The following ZNF487 variants were observed in gnomAD, a reference collection of about 807,000 sequenced individuals.
ZNF487 encodes KRAB domain only 1.
ZNF487 carries 4 observed loss-of-function variants against 3.0 expected under a neutral mutation model. The observed-to-expected ratio is 1.35, with a 90% CI of 0.66 to 3.08. The LOEUF (loss-of-function observed/expected upper bound fraction) is 3.08. Ranked by LOEUF, ZNF487 falls within the 30% of genes most tolerant of loss-of-function variation. The probability of loss-of-function intolerance (pLI) is 0.01; values close to 1 mark genes in which losing one functional copy is unlikely to be tolerated. For missense variants in ZNF487, 146 were observed against 98.7 expected (o/e 1.48, Z -2.03); for synonymous variants, 55 against 34.6 (o/e 1.59, Z -2.06).
At chr10:43,451,101 C>G (rs1360396710) in intron 1 of ZNF487, among the ~76,000 whole-genome samples, 1 of 151,950 alleles carries the variant, frequency 6.6e-6, no homozygotes, top group African/African-American at 2.4e-5. Flanking sequence ...CATGTGCCAC[C>G]ACGCCCAGCT....
At chr10:43,455,487 C>G (rs906133836) in intron 1 of ZNF487, among the ~76,000 whole-genome samples, 8 of 152,250 alleles carry the variant, frequency 5.3e-5, no homozygotes, top group African/African-American at 1.7e-4. Context: ...GCCTGCCGTG[C>G]AGGCGTCCTT....
At chr10:43,483,935 T>G (rs1424772256), downstream of ZNF487, among the ~76,000 whole-genome samples, 1 of 152,160 alleles carries the variant, frequency 6.6e-6, no homozygotes, top group Non-Finnish European at 1.5e-5. Flanking sequence ...CACTGCAACG[T>G]CCGCCTCCCT....
chr10:43,513,678 T>C, the ZNF487 span, among the ~76,000 whole-genome samples: 1 of 152,184 alleles, frequency 6.6e-6, no homozygotes, highest in Non-Finnish European at 1.5e-5. Flanking sequence ...AGGGAGCCAA[T>C]ATGGGAGTTC....
At chr10:43,465,117 A>G (rs1450632218) in intron 1 of ZNF487, among the ~76,000 whole-genome samples, 1 of 111,146 alleles carries the variant, frequency 9.0e-6, no homozygotes, top group Non-Finnish European at 1.8e-5. Context: ...TCCCTCCCGG[A>G]TGGGGCGGCT....
chr10:43,452,110 CTT>C (rs1564415420), intron 1 of ZNF487: 4 of 151,576 alleles, frequency 2.6e-5, no homozygotes, highest in Admixed American at 1.3e-4. Context: ...GGTCAATTCT[CTT>C]TTAATTTTCC....
intron 1 of ZNF487, among the ~76,000 whole-genome samples, chr10:43,450,129 C>T (rs191599816): frequency 3.2e-4 from 49 of 151,872 alleles, no homozygotes; most frequent in Middle Eastern, 3.5e-3. Flanking sequence ...CTGCAACCTC[C>T]GCCTCTCGGG....
the ZNF487 span, among the ~76,000 whole-genome samples, chr10:43,491,271 T>A: frequency 4.0e-5 from 6 of 151,776 alleles, 1 homozygote; most frequent in Admixed American, 2.0e-4. Flanking sequence ...TCGTTTTTTA[T>A]TCATTTTCCA....
chr10:43,455,133 C>G (rs1840135410), intron 1 of ZNF487, among the ~76,000 whole-genome samples: 1 of 151,598 alleles, frequency 6.6e-6, no homozygotes. Context: ...CTCAGCCTCC[C>G]GAGTAGCTGG....
intron 3 of ZNF487, among the ~76,000 whole-genome samples, chr10:43,480,361 C>T (rs1033550347): frequency 6.6e-6 from 1 of 151,552 alleles, no homozygotes; most frequent in African/African-American, 2.4e-5. Flanking sequence ...CCCCATCAGC[C>T]TCCCAAAGTG....
Position 43,475,551 on chromosome 10 carries a change from A to C in ZNF487, c.-93-170A>C. The C allele has an allele frequency of 8.4e-6, 5 of 593,216 alleles. No homozygotes were observed. In the South Asian group the frequency reaches 1.0e-4, roughly 12 times the overall value. 36.7% of individuals were successfully genotyped at this position (593,216 alleles called of 1,614,324 possible). A position where few individuals can be genotyped will look rare whatever the true frequency, so the allele number is the denominator to read the frequency against. On this transcript the variant is annotated intron_variant, in intron 1 of 3. Coordinates refer to ENST00000437590, the MANE Select transcript of ZNF487 (RefSeq NM_001355444.3). ...AAATTAATATACCGGCAGAGTCCTC[A>C]TACCAGGATTTCTCATTTTCCTACA...
chr10:43,447,009 C>T (rs545921214), intron 1 of ZNF487, among the ~76,000 whole-genome samples: 9 of 151,950 alleles, frequency 5.9e-5, no homozygotes, highest in South Asian at 4.2e-4. Context: ...CTGGCCAACA[C>T]GGCGAAACCC....
chr10:43,480,254 C>T (rs368269326), intron 3 of ZNF487, among the ~76,000 whole-genome samples: 16 of 150,792 alleles, frequency 1.1e-4, no homozygotes, highest in East Asian at 3.9e-4. Flanking sequence ...ATTACAGGTG[C>T]GCACCACCAC....
At chr10:43,442,317 A>G (rs771856311) in intron 1 of ZNF487, among the ~76,000 whole-genome samples, 5 of 152,162 alleles carry the variant, frequency 3.3e-5, no homozygotes, top group Admixed American at 6.6e-5. Context: ...GATAGGAAAA[A>G]TGTTCAATTT....
intron 1 of ZNF487, among the ~76,000 whole-genome samples, chr10:43,440,019 G>A (rs1004820125): frequency 6.6e-6 from 1 of 150,590 alleles, no homozygotes; most frequent in East Asian, 2.0e-4. Context: ...ACTTTAAAAA[G>A]GTTAATTGGT....
chr10:43,437,052 G>A, upstream of ZNF487: 1 of 322,650 alleles, frequency 3.1e-6, no homozygotes, highest in South Asian at 2.2e-5. Context: ...AGCGCAGGGA[G>A]CGCTGGACTG....
intron 3 of ZNF487, among the ~76,000 whole-genome samples, chr10:43,480,021 TTC>T (rs1841279173): frequency 8.2e-5 from 6 of 72,868 alleles, no homozygotes; most frequent in Admixed American, 1.7e-4. Context: ...CTTTCTTTCT[TTC>T]TTTCTTTCTT....
chr10:43,505,182 G>T, the ZNF487 span, among the ~76,000 whole-genome samples: 1 of 152,118 alleles, frequency 6.6e-6, no homozygotes, highest in African/African-American at 2.4e-5. Context: ...ACCATGCTTG[G>T]CTTTACCACT....
the ZNF487 span, among the ~76,000 whole-genome samples, chr10:43,522,915 C>G: frequency 2.0e-5 from 3 of 152,128 alleles, no homozygotes; most frequent in South Asian, 6.2e-4. Flanking sequence ...GGCAATTTTA[C>G]CTACTATTCA....
At chr10:43,495,267 G>A in the ZNF487 span, among the ~76,000 whole-genome samples, 26,820 of 148,558 alleles carry the variant, frequency 0.18, 2,599 homozygotes, top group Non-Finnish European at 0.2. Flanking sequence ...TATTAGAGAC[G>A]GAGTCTTGCT....
Sources: gnomAD v4.1 joint callset for allele counts (sites outside exome capture counted in the v4.1 genomes callset) on GRCh38, gnomAD v4.1.1 for gene constraint, MANE v1.5 for transcripts, NCBI Gene and HGNC (gene_info 2026-07-23, HGNC 2026-07-21) for gene names.